ELL2: variants seen among roughly 807,000 people sequenced by gnomAD.
ELL2 encodes the protein elongation factor for RNA polymerase II 2.
A neutral mutation model predicts 72.8 loss-of-function variants in ELL2; 21 were observed. That is an observed-to-expected ratio of 0.29 (90% CI 0.20 to 0.42). The LOEUF is 0.42. Ranked by LOEUF, ELL2 falls within the 10% of genes least tolerant of loss-of-function variation. The pLI, the probability that ELL2 is intolerant of heterozygous loss-of-function variation, is 1.00. For synonymous variants in ELL2, 266 were observed against 283.2 expected (o/e 0.94, Z 0.61); for missense variants, 568 against 772.8 (o/e 0.73, Z 3.14).
Position 95,901,097 on chromosome 5 carries a change from A to G in ELL2, c.742-17T>C. On this transcript the variant is annotated splice_polypyrimidine_tract_variant and intron_variant, in intron 5 of 11. Transcript: ENST00000237853. ...ATTGGCTACCTAGTATGAGGTATAAAAACAGAGCATTAGGTATTTTTACTA... is the reference window on the plus strand; with the variant it reads ...ATTGGCTACCTAGTATGAGGTATAAGAACAGAGCATTAGGTATTTTTACTA... The G allele has an allele frequency of 6.3e-7, 1 of 1,587,248 alleles. No homozygotes were observed. The highest frequency in any genetic ancestry group is 8.5e-7 in the Non-Finnish European group (1 of 1,172,568).
chr5:95,920,372 G>A (rs566935382), intron 2 of ELL2, among the ~76,000 whole-genome samples: 5 of 149,872 alleles, frequency 3.3e-5, no homozygotes, highest in South Asian at 4.2e-4. Context: ...CTGCAGTGGC[G>A]CGATCTTGGC....
chr5:95,907,733 C>T (rs1398339509), intron 4 of ELL2, among the ~76,000 whole-genome samples: 2 of 152,176 alleles, frequency 1.3e-5, no homozygotes, highest in Non-Finnish European at 2.9e-5. Flanking sequence ...TTAGGACACA[C>T]TAAGCCCCAA....
At chr5:95,891,379 C>G in intron 9 of ELL2, 105 bp from the exon 10 acceptor site, 1 of 1,217,904 alleles carries the variant, frequency 8.2e-7, no homozygotes, top group South Asian at 1.6e-5. Context: ...GCATGTGTCA[C>G]TAATGTTTAA....
In ELL2 at chr5:95,927,747, A is replaced by ATG. The variant is rs1274790179; in HGVS notation, c.196-8204_196-8203dup. On this transcript the variant is annotated intron_variant, in intron 2 of 11. Coordinates refer to ENST00000237853, the MANE Select transcript of ELL2 (RefSeq NM_012081.6). Reference sequence around the variant, plus strand: ...TGTATATAGACATACACACACACATATGTGTGTATATAGACATACACACAC... The same window carrying ATG: ...TGTATATAGACATACACACACACATATGTGTGTGTATATAGACATACACACAC... 2.9e-4 allele frequency among the ~76,000 whole-genome samples: 23 copies of ATG among 79,812 alleles called. 4 individuals are homozygous for ATG. The highest frequency in any genetic ancestry group is 1.8e-3 in the Admixed American group (17 of 9,554). The allele number at this position is 79,812 out of a possible 152,430, so 52.4% of individuals were successfully genotyped here.
intron 2 of ELL2, among the ~76,000 whole-genome samples, chr5:95,934,081 A>G (rs756040549): frequency 6.6e-6 from 1 of 152,192 alleles, no homozygotes. Context: ...CTGACTTATA[A>G]ATTACCAACA....
intron 2 of ELL2, among the ~76,000 whole-genome samples, chr5:95,929,210 C>G (rs969223270): frequency 1.3e-5 from 2 of 151,780 alleles, no homozygotes; most frequent in African/African-American, 4.8e-5. Context: ...ATTTGCCTTT[C>G]TCTCCCACCA....
intron 1 of ELL2, among the ~76,000 whole-genome samples, chr5:95,953,399 G>A (rs1751493375): frequency 6.6e-6 from 1 of 152,102 alleles, no homozygotes; most frequent in Non-Finnish European, 1.5e-5. Flanking sequence ...ACTTTTTCTG[G>A]CTCTTGAGGT....
At chr5:95,919,832 C>CA (rs902243118) in intron 2 of ELL2, among the ~76,000 whole-genome samples, 3 of 152,118 alleles carry the variant, frequency 2.0e-5, no homozygotes, top group African/African-American at 7.2e-5. Flanking sequence ...TTCAAAGTAG[C>CA]AAATGGTTAC....
chr5:95,898,448 G>T lies in ELL2; in HGVS notation c.1317C>A (p.Pro439=), dbSNP rs149812788. The change falls in exon 8 of 12, where the codon CCC becomes CCA. Residue 439 remains proline (P), a synonymous_variant. Transcript: ENST00000237853. The part of the protein sequence containing the change: ...YTSRTSLETL[P]PGSVLLKCPK... Reference sequence around the variant, plus strand: ...GACACTTTAGTAGAACGGAACCAGGGGGTAAGGTTTCCAGAGAAGTCCTAG... The same window carrying T: ...GACACTTTAGTAGAACGGAACCAGGTGGTAAGGTTTCCAGAGAAGTCCTAG... 4 of 1,613,546 alleles carry T rather than the reference G, an allele frequency of 2.5e-6. No individual in the cohort carries two copies. The African/African-American group carries it at 5.3e-5, about 22-fold the overall frequency.
intron 2 of ELL2, among the ~76,000 whole-genome samples, chr5:95,940,402 C>T (rs1324850410): frequency 6.6e-6 from 1 of 152,122 alleles, no homozygotes; most frequent in Non-Finnish European, 1.5e-5. Flanking sequence ...AAAAGCTAAC[C>T]AGCCAAGACC....
chr5:95,927,396 G>GACAC lies in ELL2; in HGVS notation c.196-7852_196-7851insGTGT, dbSNP rs1379966121. The stretch of plus-strand genomic sequence containing the variant: ...ACACACACACACGTGTGTATATATA[G>GACAC]ACATACACACACGTGTGTATATAGA... On this transcript the variant is annotated intron_variant, in intron 2 of 11. Transcript: ENST00000237853. Among the ~76,000 whole-genome samples the GACAC allele has an allele frequency of 9.5e-4, 28 of 29,398 alleles. 5 individuals are homozygous for GACAC. Among genetic ancestry groups the GACAC allele is most frequent in the Middle Eastern group, 0.014 (1 of 72 alleles). The allele number at this position is 29,398 out of a possible 152,430, so 19.3% of individuals were successfully genotyped here. A position where few individuals can be genotyped will look rare whatever the true frequency, so the allele number is the denominator to read the frequency against.
At chr5:95,910,182 G>C (rs1749530113) in intron 4 of ELL2, among the ~76,000 whole-genome samples, 1 of 151,448 alleles carries the variant, frequency 6.6e-6, no homozygotes, top group Non-Finnish European at 1.5e-5. Context: ...TTTAATATTT[G>C]AGAAAAGTAA....
intron 3 of ELL2, among the ~76,000 whole-genome samples, chr5:95,914,324 A>G (rs960249614): frequency 6.6e-6 from 1 of 152,178 alleles, no homozygotes; most frequent in African/African-American, 2.4e-5. Flanking sequence ...CACAATATAC[A>G]TGGTCTGGAC....
chr5:95,941,709 C>G (rs569471170), intron 2 of ELL2, among the ~76,000 whole-genome samples: 1 of 152,324 alleles, frequency 6.6e-6, no homozygotes, highest in South Asian at 2.1e-4. Context: ...CCAAGATAAT[C>G]CTTTAGTGAA....
At chr5:95,933,149 T>C (rs1580521047) in intron 2 of ELL2, among the ~76,000 whole-genome samples, 1 of 152,218 alleles carries the variant, frequency 6.6e-6, no homozygotes, top group South Asian at 2.1e-4. Context: ...GGAAAACCCC[T>C]TGTGACTGGC....
At chr5:95,958,973 G>A (rs1220592226) in intron 1 of ELL2, among the ~76,000 whole-genome samples, 1 of 152,000 alleles carries the variant, frequency 6.6e-6, no homozygotes, top group Non-Finnish European at 1.5e-5. Flanking sequence ...TCTGTCTCCT[G>A]GAAGCTACTG....
intron 8 of ELL2, among the ~76,000 whole-genome samples, chr5:95,895,989 G>A (rs1290476547): frequency 1.3e-5 from 2 of 152,302 alleles, no homozygotes; most frequent in Non-Finnish European, 2.9e-5. Context: ...CAACAGTTGT[G>A]GCATCTGCCC....
At position 95,886,976 on chromosome 5, in the gene ELL2, A is replaced by G. The variant is rs1357318353; in HGVS notation, c.*1895T>C. The G allele has an allele frequency of 1.3e-5, 2 of 152,240 alleles. No homozygotes were observed. The highest frequency in any genetic ancestry group is 2.9e-5 in the Non-Finnish European group (2 of 68,036). The allele number at this position is 152,240 out of a possible 1,614,324, so 9.4% of individuals were successfully genotyped here. On this transcript the variant is annotated 3_prime_UTR_variant, in exon 12 of 12. Coordinates refer to ENST00000237853, the MANE Select transcript of ELL2 (RefSeq NM_012081.6). ...TTCATTACCTATAGACGAACCACTC[A>G]GGAGACTCTATCATAATAATATGAT...
intron 2 of ELL2, among the ~76,000 whole-genome samples, chr5:95,925,167 C>T (rs573048330): frequency 2.8e-4 from 42 of 152,324 alleles, no homozygotes; most frequent in Middle Eastern, 3.4e-3. Context: ...ATCATTCAAA[C>T]TTACAGAATT....
Sources: allele counts gnomAD v4.1 joint callset (sites outside exome capture counted in the v4.1 genomes callset), GRCh38; gene constraint gnomAD v4.1.1; transcripts MANE v1.5; gene names NCBI Gene and HGNC (gene_info 2026-07-23, HGNC 2026-07-21).